OPCML: variants seen among roughly 807,000 people sequenced by gnomAD.
OPCML encodes opioid-binding protein/cell adhesion molecule.
In OPCML, 13 loss-of-function variants were observed where a neutral mutation model predicts 37.8. That is an observed-to-expected ratio of 0.34 (90% CI 0.22 to 0.55). The LOEUF (loss-of-function observed/expected upper bound fraction) is 0.55, where lower values mean the gene tolerates loss of function less well. OPCML is among the 20% of genes least tolerant of loss of function. The pLI is 0.91. For synonymous variants in OPCML, 176 were observed against 168.8 expected (o/e 1.04, Z -0.33); for missense variants, 341 against 435.6 (o/e 0.78, Z 1.93).
intron 2 of OPCML, among the ~76,000 whole-genome samples, chr11:132,890,900 C>T (rs954033163): frequency 4.0e-5 from 6 of 151,238 alleles, no homozygotes; most frequent in African/African-American, 7.3e-5. Flanking sequence ...AAAAATGACC[C>T]TATGATGAGA....
At chr11:132,766,480 A>T (rs1946446408) in intron 2 of OPCML, among the ~76,000 whole-genome samples, 1 of 152,160 alleles carries the variant, frequency 6.6e-6, no homozygotes, top group Non-Finnish European at 1.5e-5. Context: ...CTGCCCATAA[A>T]TGTATAACCT....
chr11:132,930,207 T>C (rs1945151929), intron 2 of OPCML, among the ~76,000 whole-genome samples: 1 of 151,882 alleles, frequency 6.6e-6, no homozygotes, highest in South Asian at 2.1e-4. Flanking sequence ...CTACAAAAAA[T>C]ACAAAAATTA....
chr11:133,372,584 G>T (rs868195393), intron 1 of OPCML, among the ~76,000 whole-genome samples: 2 of 152,108 alleles, frequency 1.3e-5, no homozygotes, highest in Non-Finnish European at 2.9e-5. Flanking sequence ...AAAATAAATC[G>T]TTCTCCTGTC....
chr11:132,749,716 G>A (rs1056723360), intron 2 of OPCML, among the ~76,000 whole-genome samples: 7 of 152,098 alleles, frequency 4.6e-5, no homozygotes, highest in African/African-American at 9.7e-5. Context: ...TGAGAAATCC[G>A]GTATTTAGGT....
rs906023605 is a variant in OPCML at position 133,228,450 on chromosome 11, C to T, written c.62-285440G>A. Among the ~76,000 whole-genome samples the T allele has an allele frequency of 1.1e-4, 16 of 152,376 alleles. No individual in the cohort carries two copies. In the South Asian group the frequency reaches 2.1e-3, roughly 20 times the overall value. On this transcript the variant is annotated intron_variant, in intron 1 of 7. Coordinates refer to ENST00000524381, the MANE Select transcript of OPCML (RefSeq NM_001012393.5). Reference sequence around the variant, plus strand: ...CTAATTCCAGTTCTTTCCGCTATAGCTCATGGAAACAGAATCTCAGAGAGA... The same window carrying T: ...CTAATTCCAGTTCTTTCCGCTATAGTTCATGGAAACAGAATCTCAGAGAGA...
rs1260491673 is a variant in OPCML, at chr11:132,983,680, C to T, written c.62-40670G>A. On this transcript the variant is annotated intron_variant, in intron 1 of 7. Transcript: ENST00000524381. ...AGGCTGATGTCTGCTATTGCTTCTT[C>T]CCTGTCTCCCATATCATCCAGGAAA... Among the ~76,000 whole-genome samples the T allele has an allele frequency of 2.0e-5, 3 of 152,228 alleles. No homozygotes were observed. In the South Asian group the frequency reaches 6.2e-4, roughly 31 times the overall value.
chr11:132,898,913 G>A (rs1395007723), intron 2 of OPCML, among the ~76,000 whole-genome samples: 5 of 151,960 alleles, frequency 3.3e-5, no homozygotes, highest in Admixed American at 3.3e-4. Flanking sequence ...TGCTGACTGG[G>A]TGACTGATCC....
intron 3 of OPCML, among the ~76,000 whole-genome samples, chr11:132,628,595 C>T (rs376498191): frequency 1.3e-5 from 2 of 152,172 alleles, no homozygotes; most frequent in African/African-American, 4.8e-5. Flanking sequence ...TCCTCAGGCT[C>T]TCCCACTCTG....
At chr11:132,555,037 G>C (rs4245108) in intron 3 of OPCML, among the ~76,000 whole-genome samples, 45,941 of 151,682 alleles carry the variant, frequency 0.3, 7,229 homozygotes, top group Middle Eastern at 0.39. Context: ...AGAGATCCAT[G>C]GGAAAATGGC....
intron 2 of OPCML, among the ~76,000 whole-genome samples, chr11:132,690,080 T>C (rs1038373211): frequency 6.6e-6 from 1 of 152,208 alleles, no homozygotes. Flanking sequence ...AATATAGGTT[T>C]AGATTTCACT....
At chr11:132,899,088 G>T (rs573565539) in intron 2 of OPCML, among the ~76,000 whole-genome samples, 1 of 152,158 alleles carries the variant, frequency 6.6e-6, no homozygotes, top group African/African-American at 2.4e-5. Flanking sequence ...TAATGACCCA[G>T]ATTCCTCAGG....
intron 2 of OPCML, among the ~76,000 whole-genome samples, chr11:132,782,537 A>T (rs1947067511): frequency 6.6e-6 from 1 of 152,342 alleles, no homozygotes; most frequent in Non-Finnish European, 1.5e-5. Context: ...TCACTTACAC[A>T]TGAGTATGGT....
intron 1 of OPCML, among the ~76,000 whole-genome samples, chr11:133,246,053 C>T (rs527970048): frequency 7.5e-6 from 1 of 133,908 alleles, no homozygotes; most frequent in African/African-American, 3.3e-5. Context: ...GGTGCAGCAA[C>T]CGCCATGGCA....
rs1341491502 is a variant in OPCML at position 133,147,847 on chromosome 11, C to T, written c.62-204837G>A. Among the ~76,000 whole-genome samples the T allele has an allele frequency of 5.3e-5, 8 of 152,288 alleles. No individual in the cohort carries two copies. In the East Asian group the frequency reaches 7.7e-4, roughly 15 times the overall value. Reference sequence around the variant, plus strand: ...TGTGCATACTCAGCTAGTTCATAACCTCTGTTACTTCATCTGCAAAGACGG... The same window carrying T: ...TGTGCATACTCAGCTAGTTCATAACTTCTGTTACTTCATCTGCAAAGACGG... On this transcript the variant is annotated intron_variant, in intron 1 of 7. Transcript: ENST00000524381.
chr11:132,726,802 C>T (rs762656787), intron 2 of OPCML, among the ~76,000 whole-genome samples: 2 of 152,182 alleles, frequency 1.3e-5, no homozygotes, highest in Non-Finnish European at 2.9e-5. Flanking sequence ...GCTTCTATTA[C>T]TTTAAGTTAC....
At chr11:133,333,055 G>C (rs1036849397) in intron 1 of OPCML, among the ~76,000 whole-genome samples, 4 of 152,080 alleles carry the variant, frequency 2.6e-5, no homozygotes, top group Admixed American at 6.6e-5. Flanking sequence ...ACTAGTAGTA[G>C]TAGTAGTAGT....
At chr11:133,504,629 G>A (rs145718430) in intron 1 of OPCML, among the ~76,000 whole-genome samples, 2 of 152,322 alleles carry the variant, frequency 1.3e-5, no homozygotes, top group African/African-American at 2.4e-5. Flanking sequence ...TTGTTGCGGC[G>A]ATGTTTTTCT....
chr11:133,269,655 C>T (rs1184476386), intron 1 of OPCML, among the ~76,000 whole-genome samples: 3 of 152,154 alleles, frequency 2.0e-5, no homozygotes, highest in Non-Finnish European at 4.4e-5. Flanking sequence ...TAAAAACTAA[C>T]ATCAACAGGC....
At chr11:133,439,353 C>G in intron 1 of OPCML, 1 of 984,530 alleles carries the variant, frequency 1.0e-6, no homozygotes, top group South Asian at 4.7e-5. Flanking sequence ...ACAAACCAAA[C>G]TCCACCATGC....
Sources: allele counts gnomAD v4.1 joint callset (sites outside exome capture counted in the v4.1 genomes callset), GRCh38; gene constraint gnomAD v4.1.1; transcripts MANE v1.5; gene names NCBI Gene and HGNC (gene_info 2026-07-23, HGNC 2026-07-21).